DPP10: variants seen among roughly 807,000 people sequenced by gnomAD.
DPP10 encodes the protein dipeptidyl peptidase like 10.
A neutral mutation model predicts 120.9 loss-of-function variants in DPP10; 33 were observed. That is an observed-to-expected ratio of 0.27 (90% CI 0.21 to 0.37). The LOEUF is 0.37. Among genes scored for constraint, DPP10 ranks in the 10% least tolerant of loss-of-function variants. DPP10 has a pLI of 1.00. For synonymous variants in DPP10, 337 were observed against 326.1 expected, an observed-to-expected ratio of 1.03 and a Z score of -0.36; for missense variants, 816 against 942.8, an observed-to-expected ratio of 0.87 and a Z score of 1.76.
At chr2:114,451,611 G>A (rs138898163) in intron 1 of DPP10, among the ~76,000 whole-genome samples, 2 of 152,034 alleles carry the variant, frequency 1.3e-5, no homozygotes, top group Non-Finnish European at 2.9e-5. Context: ...GTATTTAATA[G>A]TTGAGACCAA....
At chr2:115,743,868 G>T (rs1313877165) in intron 9 of DPP10, among the ~76,000 whole-genome samples, 5 of 150,588 alleles carry the variant, frequency 3.3e-5, no homozygotes, top group Admixed American at 7.0e-5. Context: ...AGCTAAGCCT[G>T]TTCTCGAAAT....
chr2:115,094,961 T>C (rs1436986953), intron 1 of DPP10, among the ~76,000 whole-genome samples: 1 of 152,158 alleles, frequency 6.6e-6, no homozygotes, highest in Non-Finnish European at 1.5e-5. Flanking sequence ...CAACTGGCAC[T>C]TTGGCTAGTG....
chr2:114,497,277 ATACGTGTATACATGTACATGTATACGTG>A (rs1293339362), intron 1 of DPP10, among the ~76,000 whole-genome samples: 1 of 55,296 alleles, frequency 1.8e-5, no homozygotes, highest in Non-Finnish European at 4.2e-5. Flanking sequence ...ATGTACATGT[ATACGTGTATACATGTACATGTATACGTG>A]TATACATGTA....
At chr2:114,708,612 G>A (rs1700828272) in intron 1 of DPP10, among the ~76,000 whole-genome samples, 1 of 152,100 alleles carries the variant, frequency 6.6e-6, no homozygotes, top group African/African-American at 2.4e-5. Context: ...TGCAACTGTG[G>A]CTCAGGTGTA....
chr2:115,045,239 G>A (rs1345244828), intron 1 of DPP10, among the ~76,000 whole-genome samples: 3 of 152,228 alleles, frequency 2.0e-5, no homozygotes, highest in African/African-American at 4.8e-5. Flanking sequence ...AATATGACAT[G>A]CCATTCTCTC....
At chr2:114,773,422 A>G (rs764985873) in intron 1 of DPP10, among the ~76,000 whole-genome samples, 4 of 144,904 alleles carry the variant, frequency 2.8e-5, no homozygotes, top group African/African-American at 7.9e-5. Context: ...TTATAACTCA[A>G]CAGACCTGAC....
intron 1 of DPP10, among the ~76,000 whole-genome samples, chr2:114,486,639 T>G (rs983975316): frequency 6.6e-6 from 1 of 152,162 alleles, no homozygotes; most frequent in South Asian, 2.1e-4. Flanking sequence ...TTCTATAAAT[T>G]ATAGGTCAAA....
rs114612719 is a variant in DPP10 at position 114,556,350 on chromosome 2, G to A, written c.60+113512G>A. Among the ~76,000 whole-genome samples, 1,367 of 149,844 alleles carry A rather than the reference G, an allele frequency of 9.1e-3. 10 individuals carry two copies. The highest frequency in any genetic ancestry group is 0.015 in the Non-Finnish European group (984 of 67,706). ...GATAGATAGATGTAGACCTGACAGC[G>A]TAACTACTGAATTGGTTGTAGGATG... is the stretch of plus-strand genomic sequence containing the variant. On this transcript the variant is annotated intron_variant, in intron 1 of 25. Coordinates refer to ENST00000410059, the MANE Select transcript of DPP10 (RefSeq NM_020868.6).
chr2:115,063,350 T>C (rs1033716461), intron 1 of DPP10, among the ~76,000 whole-genome samples: 2 of 152,232 alleles, frequency 1.3e-5, no homozygotes, highest in African/African-American at 4.8e-5. Context: ...CTGTTCAGAC[T>C]GATGATAGTT....
chr2:115,612,862 C>CT (rs564852933), intron 5 of DPP10, among the ~76,000 whole-genome samples: 3,054 of 145,224 alleles, frequency 0.021, 106 homozygotes, highest in African/African-American at 0.069. Context: ...ACATCTGTAT[C>CT]TTTTTTTTTT....
chr2:115,064,423 A>G, intron 1 of DPP10: 1 of 204,134 alleles, frequency 4.9e-6, no homozygotes, highest in Non-Finnish European at 1.1e-5. Flanking sequence ...GACCTTCAGG[A>G]TCTCTTCCCC....
At chr2:115,443,392 T>G (rs952940707) in intron 3 of DPP10, among the ~76,000 whole-genome samples, 3 of 152,210 alleles carry the variant, frequency 2.0e-5, no homozygotes, top group Non-Finnish European at 2.9e-5. Flanking sequence ...TGTGAAACAC[T>G]GTAGCAGAAT....
At chr2:114,864,315 T>A (rs1690052588) in intron 1 of DPP10, among the ~76,000 whole-genome samples, 1 of 152,210 alleles carries the variant, frequency 6.6e-6, no homozygotes, top group Non-Finnish European at 1.5e-5. Flanking sequence ...CTGCTCCAGC[T>A]GGGAATATGG....
chr2:115,641,153 C>A (rs2086744074), intron 5 of DPP10, among the ~76,000 whole-genome samples: 1 of 152,134 alleles, frequency 6.6e-6, no homozygotes, highest in Non-Finnish European at 1.5e-5. Flanking sequence ...TCTCTCCTAG[C>A]CCAAGCCATC....
chr2:115,820,244 CA>C (rs1575887134), intron 21 of DPP10, among the ~76,000 whole-genome samples: 1 of 152,012 alleles, frequency 6.6e-6, no homozygotes, highest in African/African-American at 2.4e-5. Flanking sequence ...ATCAGGATAA[CA>C]AAAATACTTT....
At chr2:114,896,451 G>A (rs540478361) in intron 1 of DPP10, among the ~76,000 whole-genome samples, 137 of 151,918 alleles carry the variant, frequency 9.0e-4, no homozygotes, top group African/African-American at 2.2e-3. Flanking sequence ...GGTCCTTCAC[G>A]TCCCTTGTAA....
Position 114,633,427 on chromosome 2 carries a change from A to AT in DPP10, c.60+190596dup, listed in dbSNP as rs1480614362. 1.3e-5 allele frequency among the ~76,000 whole-genome samples: 2 copies of AT among 149,742 alleles called. 1 individual carries two copies. Among genetic ancestry groups the AT allele is most frequent in the African/African-American group, 5.0e-5 (2 of 40,356 alleles). On this transcript the variant is annotated intron_variant, in intron 1 of 25. Coordinates refer to ENST00000410059, the MANE Select transcript of DPP10 (RefSeq NM_020868.6). ...CCATCACATCCAGCAAATTTTTTGT[A>AT]TTTTTTTAGTAGAGACAGGGTTTCT...
At chr2:115,527,860 C>T (rs1326391845) in intron 5 of DPP10, among the ~76,000 whole-genome samples, 3 of 152,074 alleles carry the variant, frequency 2.0e-5, no homozygotes, top group Middle Eastern at 6.8e-3. Context: ...AGTGACCACA[C>T]CCAATGATGG....
intron 1 of DPP10, among the ~76,000 whole-genome samples, chr2:114,634,407 T>C (rs2105392973): frequency 6.6e-6 from 1 of 151,938 alleles, no homozygotes; most frequent in South Asian, 2.1e-4. Context: ...TATTACCCTA[T>C]CATTAATTGG....
Sources: allele counts gnomAD v4.1 joint callset (sites outside exome capture counted in the v4.1 genomes callset), GRCh38; gene constraint gnomAD v4.1.1; transcripts MANE v1.5; gene names NCBI Gene and HGNC (gene_info 2026-07-23, HGNC 2026-07-21).